Variants in FAM131B observed in about 807,000 individuals in gnomAD.
FAM131B encodes protein FAM131B.
Under a neutral mutation model 42.0 loss-of-function variants are expected in FAM131B, and 19 were observed. That is an observed-to-expected ratio of 0.45 (90% confidence interval 0.32 to 0.66). The LOEUF (loss-of-function observed/expected upper bound fraction) is 0.66, where lower values mean the gene tolerates loss of function less well. Among genes scored for constraint, FAM131B ranks in the 30% least tolerant of loss-of-function variants. The pLI, the probability that FAM131B is intolerant of heterozygous loss-of-function variation, is 0.05. For synonymous variants in FAM131B, 183 were observed against 177.6 expected (o/e 1.03, Z -0.24); for missense variants, 370 against 468.4 (o/e 0.79, Z 1.94).
chr7:143,359,234 G>A lies in FAM131B; in HGVS notation c.268+92C>T. On this transcript the variant is annotated intron_variant, in intron 4 of 6. Transcript: ENST00000443739. The surrounding 1 kb of genome is among the most constrained non-coding windows in gnomAD (Gnocchi z 5.4). ...AATAGGTCAGGGGGTGGGGATGAGGGTCTTCATCAACCTCGAAGGAGCAGG... is the reference window on the plus strand; with the variant it reads ...AATAGGTCAGGGGGTGGGGATGAGGATCTTCATCAACCTCGAAGGAGCAGG... 1.8e-6 allele frequency: 2 copies of A among 1,113,290 alleles called. No homozygotes were observed. The highest frequency in any genetic ancestry group is 2.7e-6 in the Non-Finnish European group (2 of 744,240). The allele number at this position is 1,113,290 out of a possible 1,614,324, so 69.0% of individuals were successfully genotyped here. A position where few individuals can be genotyped will look rare whatever the true frequency, so the allele number is the denominator to read the frequency against.
the FAM131B span, among the ~76,000 whole-genome samples, chr7:143,370,321 A>G: frequency 6.6e-6 from 1 of 152,178 alleles, no homozygotes; most frequent in Middle Eastern, 3.2e-3. Flanking sequence ...CCAATCTGGC[A>G]TCTTCACTCT....
chr7:143,362,204 A>C lies in FAM131B; in HGVS notation c.28+372T>G. 5.4e-6 allele frequency: 1 copy of C among 186,386 alleles called. No individual in the cohort carries two copies. Among genetic ancestry groups the C allele is most frequent in the Non-Finnish European group, 1.1e-5 (1 of 91,014 alleles). The allele number at this position is 186,386 out of a possible 1,614,324, so 11.5% of individuals were successfully genotyped here. On this transcript the variant is annotated intron_variant, in intron 1 of 6. Coordinates refer to ENST00000443739, the MANE Select transcript of FAM131B (RefSeq NM_001031690.3). The surrounding 1 kb of genome is among the most constrained non-coding windows in gnomAD (Gnocchi z 7.7). ...GCGGGGGGCTGCTCCGGAGTGGGGG[A>C]TGCGAGGAGGCGCTGGGGACGGCGG...
upstream of FAM131B, among the ~76,000 whole-genome samples, chr7:143,366,569 T>TTC: frequency 6.6e-6 from 1 of 151,730 alleles, no homozygotes; most frequent in South Asian, 2.1e-4. Context: ...CTTTTTTTTT[T>TTC]TTTTTTGAGA....
upstream of FAM131B, among the ~76,000 whole-genome samples, chr7:143,364,486 G>C (rs909193855): frequency 6.6e-6 from 1 of 152,044 alleles, no homozygotes; most frequent in African/African-American, 2.4e-5. Context: ...ATTTATATAT[G>C]ACTACGTATC....
At chr7:143,372,419 C>G in the FAM131B span, among the ~76,000 whole-genome samples, 2 of 152,028 alleles carry the variant, frequency 1.3e-5, no homozygotes, top group South Asian at 2.1e-4. Flanking sequence ...AAGGGATTGT[C>G]GAAGCACAAA....
the FAM131B span, chr7:143,381,141 G>A: frequency 1.0e-6 from 1 of 955,504 alleles, no homozygotes; most frequent in Non-Finnish European, 1.2e-6. Flanking sequence ...GGACCTCGGC[G>A]GAGCCTCCGG....
At chr7:143,380,655 A>G in the FAM131B span, 1 of 985,302 alleles carries the variant, frequency 1.0e-6, no homozygotes, top group Non-Finnish European at 1.2e-6. This position sits in a 1 kb window ranked among gnomAD's most constrained non-coding sequence, Gnocchi z 5.0. Context: ...AGAAGCCTTA[A>G]GAGGCTGCCC....
chr7:143,367,716 A>C (rs958841234), upstream of FAM131B, among the ~76,000 whole-genome samples: 3 of 151,742 alleles, frequency 2.0e-5, no homozygotes, highest in Non-Finnish European at 4.4e-5. Flanking sequence ...AAAAGAAAGA[A>C]AGAAAGAAAG....
At chr7:143,375,054 T>C in the FAM131B span, among the ~76,000 whole-genome samples, 26 of 152,348 alleles carry the variant, frequency 1.7e-4, no homozygotes, top group African/African-American at 6.3e-4. Context: ...TGCTCATTAT[T>C]ATGTCCCCAG....
rs1053311495 is a variant in FAM131B, at chr7:143,362,115, C to A, written c.28+461G>T. 1.3e-6 allele frequency: 1 copy of A among 757,868 alleles called. No individual in the cohort carries two copies. Among genetic ancestry groups the A allele is most frequent in the Non-Finnish European group, 1.6e-6 (1 of 621,456 alleles). 46.9% of individuals were successfully genotyped at this position (757,868 alleles called of 1,614,324 possible). A position where few individuals can be genotyped will look rare whatever the true frequency, so the allele number is the denominator to read the frequency against. On this transcript the variant is annotated intron_variant, in intron 1 of 6. Transcript: ENST00000443739. The surrounding 1 kb of genome is among the most constrained non-coding windows in gnomAD (Gnocchi z 7.7). Reference sequence around the variant, plus strand: ...CACCCGAGCCAGATGGAGGCGGCGGCGGGGGGTGGCGTGGGGGGCGTGCGA... The same window carrying A: ...CACCCGAGCCAGATGGAGGCGGCGGAGGGGGGTGGCGTGGGGGGCGTGCGA...
chr7:143,356,911 G>T lies in FAM131B; in HGVS notation c.722C>A (p.Ala241Asp), dbSNP rs1304132920. ...AAGATAGGATCCTGTGGCCGGAGAG[G>T]CAATGAGGGACTGATCGCTGGCTTC... ...AWEASDQSLI[A>D]SPATGSYLGP... Residue 241 changes from alanine to aspartate, a missense_variant, in exon 7 of 7, where the codon GCC (alanine) becomes GAC (aspartate). Ala to Asp is a moderately radical substitution (Grantham distance 126). Transcript: ENST00000443739. The surrounding 1 kb of genome is among the most constrained non-coding windows in gnomAD (Gnocchi z 4.4). The T allele has an allele frequency of 6.2e-7, 1 of 1,614,082 alleles. No individual in the cohort carries two copies. The highest frequency in any genetic ancestry group is 1.1e-5 in the South Asian group (1 of 91,082).
the FAM131B span, among the ~76,000 whole-genome samples, chr7:143,370,187 C>T: frequency 3.9e-5 from 6 of 152,192 alleles, no homozygotes; most frequent in African/African-American, 1.4e-4. Context: ...AAGGTGGGAG[C>T]TGGAATTTGC....
At chr7:143,363,255 A>G (rs1481156147), upstream of FAM131B, among the ~76,000 whole-genome samples, 1 of 152,154 alleles carries the variant, frequency 6.6e-6, no homozygotes, top group Non-Finnish European at 1.5e-5. Flanking sequence ...ATCCAAACAG[A>G]AGGTGAAGTC....
the FAM131B span, among the ~76,000 whole-genome samples, chr7:143,369,024 G>A: frequency 2.0e-5 from 3 of 152,244 alleles, no homozygotes; most frequent in Non-Finnish European, 4.4e-5. Flanking sequence ...CAGTGAAAGA[G>A]TGGTGGATAT....
chr7:143,378,498 G>A, the FAM131B span, among the ~76,000 whole-genome samples: 6 of 151,658 alleles, frequency 4.0e-5, no homozygotes, highest in East Asian at 7.7e-4. Context: ...TACTGCCTAA[G>A]GATATCAATT....
the FAM131B span, among the ~76,000 whole-genome samples, chr7:143,377,771 T>C: frequency 6.6e-6 from 1 of 152,282 alleles, no homozygotes; most frequent in Non-Finnish European, 1.5e-5. Context: ...TGGTATGCAG[T>C]GGTGCGATTT....
upstream of FAM131B, among the ~76,000 whole-genome samples, chr7:143,365,891 G>A (rs577145707): frequency 1.3e-5 from 2 of 152,208 alleles, no homozygotes; most frequent in Non-Finnish European, 2.9e-5. Context: ...TTACAGGCGT[G>A]AGCCACCACG....
At chr7:143,367,055 T>C (rs36056439), upstream of FAM131B, among the ~76,000 whole-genome samples, 32,709 of 152,068 alleles carry the variant, frequency 0.22, 4,032 homozygotes, top group East Asian at 0.36. Context: ...GAAGTGGCCA[T>C]AGAATCTGTC....
chr7:143,361,902 GC>G, intron 1 of FAM131B: 1 of 217,870 alleles, frequency 4.6e-6, no homozygotes, highest in Non-Finnish European at 7.7e-6. Context: ...GCGCCTCGAA[GC>G]CCCCATCTCC....
Sources: allele counts gnomAD v4.1 joint callset (sites outside exome capture counted in the v4.1 genomes callset), GRCh38; gene constraint gnomAD v4.1.1; non-coding constraint Gnocchi (gnomAD v3.1); transcripts MANE v1.5; gene names NCBI Gene and HGNC (gene_info 2026-07-23, HGNC 2026-07-21).